ZDHHC14: variants seen among roughly 807,000 people sequenced by gnomAD.
ZDHHC14 encodes the protein palmitoyltransferase ZDHHC14.
In ZDHHC14, 16 loss-of-function variants were observed where a neutral mutation model predicts 47.7. The observed-to-expected ratio is 0.34, with a 90% confidence interval of 0.23 to 0.51. ZDHHC14 has a LOEUF of 0.51. Ranked by LOEUF, ZDHHC14 falls within the 20% of genes least tolerant of loss-of-function variation. The probability of loss-of-function intolerance (pLI) is 0.97; values close to 1 mark genes in which losing one functional copy is unlikely to be tolerated. For missense variants in ZDHHC14, 515 were observed against 662.5 expected (o/e 0.78, Z 2.44); for synonymous variants, 293 against 278.9 (o/e 1.05, Z -0.50).
intron 2 of ZDHHC14, among the ~76,000 whole-genome samples, chr6:157,578,869 T>C (rs1378853984): frequency 6.6e-6 from 1 of 152,214 alleles, no homozygotes; most frequent in Admixed American, 6.5e-5. Flanking sequence ...CCTCTTTCCT[T>C]TATAAATTAC....
chr6:157,645,532 G>A (rs908042690), intron 5 of ZDHHC14, among the ~76,000 whole-genome samples: 1 of 152,180 alleles, frequency 6.6e-6, no homozygotes, highest in South Asian at 2.1e-4. Context: ...CCACGCCGGG[G>A]CAGGTGACAC....
At chr6:157,395,845 T>C (rs570049985) in intron 1 of ZDHHC14, among the ~76,000 whole-genome samples, 21 of 151,922 alleles carry the variant, frequency 1.4e-4, no homozygotes, top group African/African-American at 5.1e-4. Context: ...CTGTTACATA[T>C]AGTGATAGAC....
chr6:157,640,702 T>TGA (rs1777208288), intron 5 of ZDHHC14, among the ~76,000 whole-genome samples: 1 of 152,136 alleles, frequency 6.6e-6, no homozygotes, highest in South Asian at 2.1e-4. Context: ...CCAGCCCCAC[T>TGA]GAGGGAGGGT....
chr6:157,460,384 G>A (rs1196693719), intron 1 of ZDHHC14, among the ~76,000 whole-genome samples: 1 of 111,004 alleles, frequency 9.0e-6, no homozygotes, highest in Admixed American at 1.3e-4. Flanking sequence ...GGGCAACAGA[G>A]CCAGACTCAC....
At chr6:157,542,068 T>G (rs1781786161) in intron 1 of ZDHHC14, among the ~76,000 whole-genome samples, 1 of 152,226 alleles carries the variant, frequency 6.6e-6, no homozygotes, top group Non-Finnish European at 1.5e-5. Context: ...AAAATTGGTT[T>G]CTTGCCCTTT....
intron 2 of ZDHHC14, among the ~76,000 whole-genome samples, chr6:157,547,244 C>T (rs562980202): frequency 5.1e-4 from 78 of 152,348 alleles, no homozygotes; most frequent in Non-Finnish European, 9.3e-4. Context: ...CTCCTTCTCC[C>T]CTATCTTCGG....
rs576988633 is a variant in ZDHHC14, at chr6:157,523,333, C to T, written c.246-19252C>T. 8.8e-4 allele frequency among the ~76,000 whole-genome samples: 134 copies of T among 152,160 alleles called. 2 individuals carry two copies. The highest frequency in any genetic ancestry group is 3.1e-3 in the African/African-American group (127 of 41,516). On this transcript the variant is annotated intron_variant, in intron 1 of 8. Transcript: ENST00000359775. ...CAAAAATGTCTTTCTCAGTTCATCG[C>T]CATCACCAGTATATTAATGAAAGCA...
chr6:157,610,381 G>A (rs1037787109), intron 3 of ZDHHC14, among the ~76,000 whole-genome samples: 12 of 152,124 alleles, frequency 7.9e-5, no homozygotes, highest in Admixed American at 6.5e-4. Flanking sequence ...GCAGTGAGCC[G>A]AGATCAGGCC....
At chr6:157,652,240 G>A (rs1249878189) in intron 7 of ZDHHC14, among the ~76,000 whole-genome samples, 1 of 152,162 alleles carries the variant, frequency 6.6e-6, no homozygotes, top group Non-Finnish European at 1.5e-5. Flanking sequence ...TCTGCCACTT[G>A]AAGACCTGAA....
chr6:157,416,414 G>A (rs1180897920), intron 1 of ZDHHC14, among the ~76,000 whole-genome samples: 1 of 152,014 alleles, frequency 6.6e-6, no homozygotes, highest in East Asian at 1.9e-4. Context: ...TGTAATCCCA[G>A]CACATTAGGA....
At chr6:157,535,657 G>A (rs2114791655) in intron 1 of ZDHHC14, among the ~76,000 whole-genome samples, 1 of 152,232 alleles carries the variant, frequency 6.6e-6, no homozygotes, top group African/African-American at 2.4e-5. Flanking sequence ...GTGCGTCTGG[G>A]GTAATTAACA....
chr6:157,596,859 C>A lies in ZDHHC14; in HGVS notation c.565+3713C>A, dbSNP rs138938205. 3.9e-3 allele frequency among the ~76,000 whole-genome samples: 591 copies of A among 152,282 alleles called. 4 individuals are homozygous for A. The highest frequency in any genetic ancestry group is 6.8e-3 in the Non-Finnish European group (461 of 68,026). On this transcript the variant is annotated intron_variant, in intron 3 of 8. Coordinates refer to ENST00000359775, the MANE Select transcript of ZDHHC14 (RefSeq NM_024630.3). ...GATGGTCTCATCAGTGATGGGAATG[C>A]CACCATCGGTGCTCCCAAGTAACTG...
chr6:157,671,684 A>G (rs114081059), intron 8 of ZDHHC14, among the ~76,000 whole-genome samples: 5,414 of 152,292 alleles, frequency 0.036, 337 homozygotes, highest in African/African-American at 0.12. Flanking sequence ...CGAGGCAGAT[A>G]TCATGTGACT....
chr6:157,635,757 G>A (rs1024857760), intron 5 of ZDHHC14, among the ~76,000 whole-genome samples: 4 of 152,210 alleles, frequency 2.6e-5, no homozygotes, highest in Admixed American at 6.5e-5. Flanking sequence ...TGGCAGTAGC[G>A]TGCTGGCCGT....
intron 1 of ZDHHC14, among the ~76,000 whole-genome samples, chr6:157,407,315 C>T (rs1393396187): frequency 6.6e-6 from 1 of 152,164 alleles, no homozygotes; most frequent in Non-Finnish European, 1.5e-5. Flanking sequence ...GTCCCCTTTC[C>T]TACATGGCCG....
intron 8 of ZDHHC14, among the ~76,000 whole-genome samples, chr6:157,658,519 C>G (rs1778201262): frequency 6.7e-6 from 1 of 150,354 alleles, no homozygotes; most frequent in Non-Finnish European, 1.5e-5. Flanking sequence ...AGCCCCCAAA[C>G]TGACTAAGCC....
chr6:157,454,878 G>A (rs1382617478), intron 1 of ZDHHC14, among the ~76,000 whole-genome samples: 1 of 152,132 alleles, frequency 6.6e-6, no homozygotes, highest in Non-Finnish European at 1.5e-5. Context: ...ATATTCCTAA[G>A]CCCCAGCAGA....
chr6:157,565,249 A>G (rs959181832), intron 2 of ZDHHC14, among the ~76,000 whole-genome samples: 16 of 152,162 alleles, frequency 1.1e-4, no homozygotes, highest in South Asian at 2.1e-4. Context: ...TTATCTCCAA[A>G]AAAAAGAGTA....
chr6:157,597,687 T>G (rs1784185076), intron 3 of ZDHHC14, among the ~76,000 whole-genome samples: 1 of 152,246 alleles, frequency 6.6e-6, no homozygotes, highest in Non-Finnish European at 1.5e-5. Flanking sequence ...GCACTGGGAC[T>G]GTCTCTGCAC....
Sources: gnomAD v4.1 joint callset for allele counts (sites outside exome capture counted in the v4.1 genomes callset) on GRCh38, gnomAD v4.1.1 for gene constraint, MANE v1.5 for transcripts, NCBI Gene and HGNC (gene_info 2026-07-23, HGNC 2026-07-21) for gene names.